Variants in ARHGAP6 observed in about 807,000 individuals in gnomAD.
ARHGAP6 encodes the protein Rho GTPase activating protein 6.
ARHGAP6 carries 16 observed loss-of-function variants against 55.7 expected under a neutral mutation model. The observed-to-expected ratio is 0.29, with a 90% CI of 0.19 to 0.44. The LOEUF (loss-of-function observed/expected upper bound fraction) is 0.44. Among genes scored for constraint, ARHGAP6 ranks in the 20% least tolerant of loss-of-function variants. ARHGAP6 has a pLI of 1.00. For missense variants in ARHGAP6, 698 were observed against 808.9 expected (o/e 0.86, Z 1.66); for synonymous variants, 382 against 360.9 (o/e 1.06, Z -0.66).
intron 9 of ARHGAP6, among the ~76,000 whole-genome samples, chrX:11,164,334 A>G (rs975491639): frequency 1.8e-5 from 2 of 112,180 alleles, no homozygotes; most frequent in Non-Finnish European, 3.8e-5. Context: ...AAACAAGCCA[A>G]TAATGTACGT....
chrX:11,270,812 C>T (rs1235803082), intron 1 of ARHGAP6, among the ~76,000 whole-genome samples: 1 of 111,532 alleles, frequency 9.0e-6, no homozygotes, highest in African/African-American at 3.3e-5. Context: ...TCTCTTTTTC[C>T]AATAAATATG....
intron 1 of ARHGAP6, among the ~76,000 whole-genome samples, chrX:11,539,749 A>G (rs1489169884): frequency 8.9e-6 from 1 of 111,813 alleles, no homozygotes; most frequent in Non-Finnish European, 1.9e-5. Flanking sequence ...GAATAGAAAA[A>G]GGAATGTGAC....
At chrX:11,277,772 T>C (rs760697673) in intron 1 of ARHGAP6, among the ~76,000 whole-genome samples, 2 of 111,194 alleles carry the variant, frequency 1.8e-5, no homozygotes, top group Non-Finnish European at 3.8e-5. Context: ...TTTAATCATT[T>C]ATGTTTATAT....
intron 1 of ARHGAP6, among the ~76,000 whole-genome samples, chrX:11,621,296 A>G (rs2052226993): frequency 1.8e-5 from 2 of 112,265 alleles, no homozygotes; most frequent in African/African-American, 6.5e-5. Flanking sequence ...ATCAATATCC[A>G]GAATATGAGT....
At chrX:11,331,058 C>G (rs2048557578) in intron 1 of ARHGAP6, among the ~76,000 whole-genome samples, 1 of 111,878 alleles carries the variant, frequency 8.9e-6, no homozygotes, top group Non-Finnish European at 1.9e-5. Flanking sequence ...AACTAGAATC[C>G]CTTTTCCCCA....
chrX:11,374,703 C>T (rs758000241), intron 1 of ARHGAP6, among the ~76,000 whole-genome samples: 1 of 112,392 alleles, frequency 8.9e-6, no homozygotes, highest in Admixed American at 9.4e-5. Flanking sequence ...AGAAGTTAAA[C>T]TAAAACCTGT....
At chrX:11,265,704 C>T (rs1016666561) in intron 1 of ARHGAP6, 20 of 872,491 alleles carry the variant, frequency 2.3e-5, no homozygotes, top group East Asian at 2.4e-4. Context: ...TATAATCAGC[C>T]GCGTCTTTGC....
At chrX:11,575,192 T>A (rs1297968747) in intron 1 of ARHGAP6, among the ~76,000 whole-genome samples, 3 of 111,386 alleles carry the variant, frequency 2.7e-5, no homozygotes, top group Non-Finnish European at 5.7e-5. Flanking sequence ...GATCTGCCAT[T>A]TTCTAGGCCA....
chrX:11,550,435 C>A (rs1458182849), intron 1 of ARHGAP6, among the ~76,000 whole-genome samples: 1 of 112,202 alleles, frequency 8.9e-6, no homozygotes, highest in African/African-American at 3.2e-5. Context: ...TCAACCCTGA[C>A]TGAATATTGG....
chrX:11,584,342 T>C (rs2051700745), intron 1 of ARHGAP6, among the ~76,000 whole-genome samples: 2 of 112,476 alleles, frequency 1.8e-5, no homozygotes, highest in Admixed American at 1.9e-4. Flanking sequence ...CTGTGATCAG[T>C]AATTATCATC....
intron 1 of ARHGAP6, among the ~76,000 whole-genome samples, chrX:11,552,805 T>C (rs1357566320): frequency 1.9e-5 from 2 of 106,058 alleles, no homozygotes; most frequent in Non-Finnish European, 3.9e-5. Context: ...AGTAGAATGG[T>C]GGTTGATAGG....
At chrX:11,143,448 A>G (rs1280339051) in intron 11 of ARHGAP6, 13 of 536,354 alleles carry the variant, frequency 2.4e-5, no homozygotes, top group Non-Finnish European at 3.0e-5. Context: ...TGGGAAGCTC[A>G]ATCGCTCACT....
At chrX:11,167,699 T>C (rs748756051) in intron 9 of ARHGAP6, among the ~76,000 whole-genome samples, 1 of 111,680 alleles carries the variant, frequency 9.0e-6, no homozygotes. Context: ...GCTTAGATAA[T>C]AGAATTAAGT....
intron 1 of ARHGAP6, among the ~76,000 whole-genome samples, chrX:11,387,383 A>C (rs2049341391): frequency 9.0e-6 from 1 of 111,628 alleles, no homozygotes; most frequent in South Asian, 3.8e-4. Context: ...GCATGCAGAG[A>C]GAGTAAATGT....
intron 1 of ARHGAP6, among the ~76,000 whole-genome samples, chrX:11,502,849 T>A (rs571816399): frequency 1.8e-5 from 2 of 111,801 alleles, no homozygotes; most frequent in East Asian, 5.6e-4. Flanking sequence ...AGGCTATTAG[T>A]AGTTAAGTTT....
At chrX:11,140,259 A>G (rs1308663835) in intron 12 of ARHGAP6, among the ~76,000 whole-genome samples, 2 of 108,632 alleles carry the variant, frequency 1.8e-5, no homozygotes, top group East Asian at 5.8e-4. Context: ...TCCACTAAAA[A>G]TACAAAAAAT....
chrX:11,198,178 A>T (rs1262194754), intron 2 of ARHGAP6, among the ~76,000 whole-genome samples: 1 of 112,117 alleles, frequency 8.9e-6, no homozygotes, highest in Non-Finnish European at 1.9e-5. Context: ...ACATCACAAT[A>T]TAATCAACAG....
intron 1 of ARHGAP6, among the ~76,000 whole-genome samples, chrX:11,452,455 A>G (rs2050152486): frequency 8.9e-6 from 1 of 112,170 alleles, no homozygotes; most frequent in African/African-American, 3.2e-5. Context: ...GCCATGTTTT[A>G]TATTTCTACA....
intron 1 of ARHGAP6, among the ~76,000 whole-genome samples, chrX:11,448,438 G>C (rs1369007185): frequency 8.9e-6 from 1 of 111,757 alleles, no homozygotes; most frequent in African/African-American, 3.3e-5. Flanking sequence ...TCTTATCCCA[G>C]ATGGGGTTCA....
Sources: gnomAD v4.1 joint callset for allele counts (sites outside exome capture counted in the v4.1 genomes callset) on GRCh38, gnomAD v4.1.1 for gene constraint, MANE v1.5 for transcripts, NCBI Gene and HGNC (gene_info 2026-07-23, HGNC 2026-07-21) for gene names.